KIF13B: variants seen among roughly 807,000 people sequenced by gnomAD.
The protein encoded by KIF13B is kinesin-like protein KIF13B.
KIF13B carries 127 observed loss-of-function variants against 222.0 expected under a neutral mutation model. The observed-to-expected ratio is 0.57, with a 90% CI of 0.50 to 0.66. The LOEUF (loss-of-function observed/expected upper bound fraction) is 0.66, where lower values mean the gene tolerates loss of function less well. KIF13B is among the 30% of genes least tolerant of loss of function. The probability of loss-of-function intolerance (pLI) is 0.00; values close to 1 mark genes in which losing one functional copy is unlikely to be tolerated. For missense variants in KIF13B, 2,173 were observed against 2,379.0 expected (o/e 0.91, Z 1.80); for synonymous variants, 976 against 919.0 (o/e 1.06, Z -1.12).
Position 29,180,094 on chromosome 8 carries a change from G to T in KIF13B, c.720+10C>A. 3 of 1,613,656 alleles carry T rather than the reference G, an allele frequency of 1.9e-6. No homozygotes were observed. The highest frequency in any genetic ancestry group is 2.5e-6 in the Non-Finnish European group (3 of 1,179,752). ...AAATATAAAAACAGGTCATGCATCT[G>T]AACACCTACCCCAGACTTCACATCG... On this transcript the variant is annotated intron_variant, in intron 8 of 39. Coordinates refer to ENST00000524189, the MANE Select transcript of KIF13B (RefSeq NM_015254.4).
intron 10 of KIF13B, 57 bp from the exon 11 acceptor site, chr8:29,167,642 T>C (rs1586871516): frequency 2.2e-6 from 3 of 1,381,828 alleles, no homozygotes; most frequent in Non-Finnish European, 3.1e-6. Flanking sequence ...AGACGTCATA[T>C]GAGAAACCTG....
At chr8:29,158,366 T>G (rs1297184811) in intron 13 of KIF13B, among the ~76,000 whole-genome samples, 1 of 152,214 alleles carries the variant, frequency 6.6e-6, no homozygotes, top group Non-Finnish European at 1.5e-5. Flanking sequence ...TAAGATAAAG[T>G]TAAGCAGGGA....
chr8:29,247,102 G>A (rs76542762), intron 1 of KIF13B, among the ~76,000 whole-genome samples: 6,230 of 152,188 alleles, frequency 0.041, 426 homozygotes, highest in African/African-American at 0.14. Context: ...AAAAACTCTG[G>A]GGCTGGGCAT....
intron 32 of KIF13B, among the ~76,000 whole-genome samples, chr8:29,112,262 G>C (rs548922279): frequency 6.6e-6 from 1 of 151,964 alleles, no homozygotes; most frequent in Non-Finnish European, 1.5e-5. Flanking sequence ...GTGAAATCCC[G>C]TCTCTACTTA....
intron 36 of KIF13B, among the ~76,000 whole-genome samples, chr8:29,097,050 G>C (rs1808565142): frequency 6.6e-6 from 1 of 152,108 alleles, no homozygotes; most frequent in Non-Finnish European, 1.5e-5. Flanking sequence ...GAAATAACTG[G>C]ACCCAACCAA....
intron 36 of KIF13B, among the ~76,000 whole-genome samples, chr8:29,095,885 AAAAAC>A (rs1363609969): frequency 5.9e-5 from 9 of 152,260 alleles, no homozygotes; most frequent in African/African-American, 1.9e-4. Flanking sequence ...ATAATCTGAA[AAAAAC>A]AAAACAAAAC....
chr8:29,248,459 G>C (rs1454790312), intron 1 of KIF13B, among the ~76,000 whole-genome samples: 2 of 152,228 alleles, frequency 1.3e-5, no homozygotes, highest in Non-Finnish European at 2.9e-5. Context: ...AGTTTCACGT[G>C]ACTAGGGAGG....
intron 13 of KIF13B, among the ~76,000 whole-genome samples, chr8:29,156,635 T>G (rs115255628): frequency 1.3e-5 from 2 of 151,926 alleles, no homozygotes; most frequent in South Asian, 2.1e-4. Context: ...TGTCTCAGCC[T>G]CTGAGTAGCT....
intron 8 of KIF13B, among the ~76,000 whole-genome samples, chr8:29,179,126 G>C (rs112456848): frequency 0.017 from 1,926 of 110,672 alleles, 25 homozygotes; most frequent in African/African-American, 0.037. Flanking sequence ...AAATCAGCTA[G>C]AATTTTTTTT....
chr8:29,243,750 G>A (rs1815889252), intron 2 of KIF13B, among the ~76,000 whole-genome samples: 1 of 152,090 alleles, frequency 6.6e-6, no homozygotes. Flanking sequence ...TTATCTGGGT[G>A]CCACTTATAT....
intron 19 of KIF13B, among the ~76,000 whole-genome samples, chr8:29,140,955 G>A (rs561015813): frequency 1.3e-4 from 20 of 152,162 alleles, no homozygotes; most frequent in Non-Finnish European, 2.5e-4. Flanking sequence ...AAAAGAAGTA[G>A]AGTGTGCTAA....
chr8:29,197,198 G>C (rs1001549843), intron 2 of KIF13B, among the ~76,000 whole-genome samples: 1 of 146,744 alleles, frequency 6.8e-6, no homozygotes, highest in Non-Finnish European at 1.5e-5. Flanking sequence ...TTAGCCGGGC[G>C]TAGTGGCGGG....
chr8:29,179,951 T>C (rs368041329), intron 8 of KIF13B, among the ~76,000 whole-genome samples, 153 bp downstream of exon 8: 18 of 152,200 alleles, frequency 1.2e-4, no homozygotes, highest in African/African-American at 3.9e-4. Context: ...TCCCTTTCTA[T>C]TGACCTAGAG....
chr8:29,230,056 A>G (rs948557013), intron 2 of KIF13B, among the ~76,000 whole-genome samples: 3 of 152,238 alleles, frequency 2.0e-5, no homozygotes, highest in African/African-American at 7.2e-5. Flanking sequence ...CTAAGTAGGT[A>G]CCATGTACCA....
At chr8:29,124,308 A>G (rs190687962) in intron 26 of KIF13B, among the ~76,000 whole-genome samples, 185 bp from the exon 27 acceptor site, 42 of 152,348 alleles carry the variant, frequency 2.8e-4, no homozygotes, top group African/African-American at 3.8e-4. Flanking sequence ...AATTTAAAGC[A>G]TTATTTTCTA....
chr8:29,123,976 T>A (rs1554601010), intron 27 of KIF13B, 48 bp downstream of exon 27: 1 of 1,112,918 alleles, frequency 9.0e-7, no homozygotes, highest in East Asian at 2.4e-5. Context: ...AATAATTAAT[T>A]ATGCATTGAT....
At chr8:29,168,179 G>A (rs191037219) in intron 10 of KIF13B, among the ~76,000 whole-genome samples, 1 of 152,354 alleles carries the variant, frequency 6.6e-6, no homozygotes, top group Non-Finnish European at 1.5e-5. Flanking sequence ...TACTAAGATT[G>A]CAAGTTCTAC....
At chr8:29,199,460 C>G (rs1813589038) in intron 2 of KIF13B, among the ~76,000 whole-genome samples, 1 of 151,502 alleles carries the variant, frequency 6.6e-6, no homozygotes, top group African/African-American at 2.4e-5. Flanking sequence ...ATCTGAAAAT[C>G]CAAAATCTTT....
At chr8:29,153,132 A>C (rs542789732) in intron 14 of KIF13B, among the ~76,000 whole-genome samples, 1 of 152,304 alleles carries the variant, frequency 6.6e-6, no homozygotes, top group African/African-American at 2.4e-5. Context: ...TTATGGTATG[A>C]AGTATTAGAG....
Sources: allele counts gnomAD v4.1 joint callset (sites outside exome capture counted in the v4.1 genomes callset), GRCh38; gene constraint gnomAD v4.1.1; transcripts MANE v1.5; gene names NCBI Gene and HGNC (gene_info 2026-07-23, HGNC 2026-07-21).